PARD3B: variants seen among roughly 807,000 people sequenced by gnomAD.
PARD3B encodes partitioning defective 3 homolog B.
A neutral mutation model predicts 130.2 loss-of-function variants in PARD3B; 103 were observed. That is an observed-to-expected ratio of 0.79 (90% CI 0.67 to 0.93). PARD3B has a LOEUF of 0.93. PARD3B is among the 40% of genes least tolerant of loss of function. The pLI, the probability that PARD3B is intolerant of heterozygous loss-of-function variation, is 0.00. For synonymous variants in PARD3B, 583 were observed against 553.2 expected (o/e 1.05, Z -0.76); for missense variants, 1,609 against 1,499.2 (o/e 1.07, Z -1.21).
intron 18 of PARD3B, among the ~76,000 whole-genome samples, chr2:205,374,450 G>A (rs996266174): frequency 4.6e-5 from 7 of 151,990 alleles, no homozygotes; most frequent in African/African-American, 7.2e-5. Context: ...GGCCAGGCTG[G>A]TCTTGAACCC....
chr2:204,620,929 T>C (rs747401840), intron 1 of PARD3B, among the ~76,000 whole-genome samples: 10 of 152,200 alleles, frequency 6.6e-5, no homozygotes, highest in Non-Finnish European at 1.2e-4. Context: ...TCTACACTTA[T>C]AGCAAGTTAC....
At chr2:205,392,640 G>A (rs189080074) in intron 18 of PARD3B, among the ~76,000 whole-genome samples, 16 of 152,222 alleles carry the variant, frequency 1.1e-4, no homozygotes, top group Admixed American at 3.3e-4. Flanking sequence ...TTTGTCGTTC[G>A]TTATTAAAGC....
intron 10 of PARD3B, among the ~76,000 whole-genome samples, chr2:205,134,715 C>T (rs2032323215): frequency 6.6e-6 from 1 of 152,136 alleles, no homozygotes; most frequent in Non-Finnish European, 1.5e-5. Context: ...GTACTTATAT[C>T]TGGAAGAATT....
At chr2:204,912,821 G>C (rs2047292100) in intron 2 of PARD3B, among the ~76,000 whole-genome samples, 1 of 152,100 alleles carries the variant, frequency 6.6e-6, no homozygotes, top group African/African-American at 2.4e-5. Flanking sequence ...TGTAGATCCT[G>C]TTTTATTTCA....
Position 205,592,058 on chromosome 2 carries a change from C to T in PARD3B, c.3261-23398C>T, listed in dbSNP as rs1312822977. Among the ~76,000 whole-genome samples the T allele has an allele frequency of 1.3e-5, 2 of 152,198 alleles. No individual in the cohort carries two copies. The highest frequency in any genetic ancestry group is 4.8e-5 in the African/African-American group (2 of 41,464). On this transcript the variant is annotated intron_variant, in intron 22 of 22. Coordinates refer to ENST00000406610, the MANE Select transcript of PARD3B (RefSeq NM_001302769.2). The surrounding 1 kb of genome is among the most constrained non-coding windows in gnomAD (Gnocchi z 4.5). The stretch of plus-strand genomic sequence containing the variant: ...GTGTAACTGGGCTTTGTCAGTTACA[C>T]AGTGCTTTTTCATACTTCCCTAATT...
intron 5 of PARD3B, among the ~76,000 whole-genome samples, chr2:205,106,591 G>A (rs975688313): frequency 3.3e-5 from 5 of 151,192 alleles, no homozygotes; most frequent in Admixed American, 2.6e-4. Context: ...AATAGGTTAA[G>A]GAACTACAAT....
intron 2 of PARD3B, among the ~76,000 whole-genome samples, chr2:204,711,608 C>T (rs549170828): frequency 5.9e-5 from 9 of 151,992 alleles, no homozygotes; most frequent in Non-Finnish European, 1.2e-4. Context: ...CACAGTGGCA[C>T]GATCTTGGCT....
rs1450093936 is a variant in PARD3B, at chr2:205,421,140, A to C, written c.2742-19230A>C. 6.6e-6 allele frequency among the ~76,000 whole-genome samples: 1 copy of C among 152,012 alleles called. No individual in the cohort carries two copies. The highest frequency in any genetic ancestry group is 1.5e-5 in the Non-Finnish European group (1 of 68,020). ...GCAAGACTCCATCTCAAAAAACAAA[A>C]AAAACAAAACAAAAAAAACGGAAAA... On this transcript the variant is annotated intron_variant, in intron 19 of 22. Coordinates refer to ENST00000406610, the MANE Select transcript of PARD3B (RefSeq NM_001302769.2). This position sits in a 1 kb window ranked among gnomAD's most constrained non-coding sequence, Gnocchi z 5.1.
intron 22 of PARD3B, among the ~76,000 whole-genome samples, chr2:205,596,767 G>A (rs2054586854): frequency 6.6e-6 from 1 of 152,086 alleles, no homozygotes; most frequent in African/African-American, 2.4e-5. Flanking sequence ...TAAACCCCAG[G>A]TGGCACTCTG....
intron 2 of PARD3B, among the ~76,000 whole-genome samples, chr2:204,698,691 AAGG>A (rs1464719808): frequency 1.3e-5 from 2 of 152,098 alleles, no homozygotes; most frequent in Non-Finnish European, 2.9e-5. Flanking sequence ...GGGAAATCAG[AAGG>A]AGTTCTGTCT....
chr2:204,762,406 G>A (rs1459723510), intron 2 of PARD3B, among the ~76,000 whole-genome samples: 1 of 152,048 alleles, frequency 6.6e-6, no homozygotes, highest in Non-Finnish European at 1.5e-5. Flanking sequence ...TTACAGGCAT[G>A]AGCCACGGCG....
chr2:205,589,433 C>T lies in PARD3B; in HGVS notation c.3261-26023C>T, dbSNP rs1158776715. Among the ~76,000 whole-genome samples, 1 of 152,164 alleles carries T rather than the reference C, an allele frequency of 6.6e-6. No individual in the cohort carries two copies. Among genetic ancestry groups the T allele is most frequent in the Non-Finnish European group, 1.5e-5 (1 of 68,040 alleles). ...CTCTGTTCCCACGGCAACTCCAGATCCAGTCCCATCTCAAATGCTGTCTCT... is the reference window on the plus strand; with the variant it reads ...CTCTGTTCCCACGGCAACTCCAGATTCAGTCCCATCTCAAATGCTGTCTCT... On this transcript the variant is annotated intron_variant, in intron 22 of 22. Coordinates refer to ENST00000406610, the MANE Select transcript of PARD3B (RefSeq NM_001302769.2). This position sits in a 1 kb window ranked among gnomAD's most constrained non-coding sequence, Gnocchi z 4.1.
chr2:205,400,703 T>G (rs1378306167), intron 18 of PARD3B, among the ~76,000 whole-genome samples: 1 of 151,492 alleles, frequency 6.6e-6, no homozygotes, highest in South Asian at 2.1e-4. Context: ...AATAGAAGAA[T>G]CACAAAACAA....
intron 2 of PARD3B, among the ~76,000 whole-genome samples, chr2:204,846,317 T>C (rs1266216144): frequency 1.3e-5 from 2 of 152,028 alleles, no homozygotes; most frequent in Non-Finnish European, 2.9e-5. Context: ...TGCTAAAGCC[T>C]TTTTGGTAGG....
intron 22 of PARD3B, among the ~76,000 whole-genome samples, chr2:205,578,499 G>C (rs566376247): frequency 1.3e-5 from 2 of 152,096 alleles, no homozygotes; most frequent in Non-Finnish European, 2.9e-5. Flanking sequence ...AATTATTGGC[G>C]AAGTACACAA....
chr2:205,536,121 G>A (rs1297692954), intron 21 of PARD3B, among the ~76,000 whole-genome samples: 2 of 152,126 alleles, frequency 1.3e-5, no homozygotes, highest in Non-Finnish European at 2.9e-5. Context: ...GAAATGGCAG[G>A]GAGTGGGGTC....
At chr2:204,752,548 A>G (rs1168930845) in intron 2 of PARD3B, among the ~76,000 whole-genome samples, 1 of 152,102 alleles carries the variant, frequency 6.6e-6, no homozygotes, top group African/African-American at 2.4e-5. Flanking sequence ...ACTTATTTTC[A>G]TTTTTGCCTT....
chr2:205,236,331 A>G (rs573229519), intron 15 of PARD3B, among the ~76,000 whole-genome samples: 4 of 152,188 alleles, frequency 2.6e-5, no homozygotes, highest in African/African-American at 7.2e-5. Context: ...TATTTCCCCA[A>G]CTCATTCTAT....
chr2:205,349,741 A>G (rs530307644), intron 18 of PARD3B, among the ~76,000 whole-genome samples: 1 of 151,738 alleles, frequency 6.6e-6, no homozygotes, highest in South Asian at 2.1e-4. Flanking sequence ...ATAAAATATA[A>G]TATTAGGAAG....
Sources: gnomAD v4.1 joint callset for allele counts (sites outside exome capture counted in the v4.1 genomes callset) on GRCh38, gnomAD v4.1.1 for gene constraint, Gnocchi (gnomAD v3.1) non-coding constraint, MANE v1.5 for transcripts, NCBI Gene and HGNC (gene_info 2026-07-23, HGNC 2026-07-21) for gene names.